The following ADCY2 variants were observed in gnomAD, a reference collection of about 807,000 sequenced individuals.
ADCY2 encodes the protein adenylate cyclase 2.
In ADCY2, 31 loss-of-function variants were observed where a neutral mutation model predicts 125.2. The ratio of observed to expected loss-of-function variants is 0.25; its 90% CI spans 0.19 to 0.33. The LOEUF (loss-of-function observed/expected upper bound fraction) is 0.33. ADCY2 is among the 10% of genes least tolerant of loss of function. The pLI is 1.00. For synonymous variants in ADCY2, 512 were observed against 548.4 expected (o/e 0.93, Z 0.93); for missense variants, 904 against 1,418.2 (o/e 0.64, Z 5.82).
chr5:7,524,164 T>G (rs1734366553), intron 3 of ADCY2, among the ~76,000 whole-genome samples: 1 of 152,142 alleles, frequency 6.6e-6, no homozygotes, highest in Admixed American at 6.5e-5. Context: ...TAACTGAAAA[T>G]TATGGATGGT....
chr5:7,746,615 G>A (rs1742633818), intron 15 of ADCY2, among the ~76,000 whole-genome samples: 2 of 152,150 alleles, frequency 1.3e-5, no homozygotes, highest in Admixed American at 6.5e-5. Context: ...CTTCCCAGTT[G>A]TGTAAGGTTT....
At chr5:7,545,755 C>T (rs187151500) in intron 3 of ADCY2, among the ~76,000 whole-genome samples, 43 of 152,258 alleles carry the variant, frequency 2.8e-4, no homozygotes, top group Middle Eastern at 3.4e-3. Context: ...GGGTTACACG[C>T]CAACCGATAA....
chr5:7,408,542 AT>A (rs931780294), intron 1 of ADCY2, among the ~76,000 whole-genome samples: 3 of 151,070 alleles, frequency 2.0e-5, no homozygotes, highest in Non-Finnish European at 4.4e-5. Context: ...TAATTTTTGC[AT>A]TTTTAGTAGA....
intron 13 of ADCY2, among the ~76,000 whole-genome samples, chr5:7,726,773 T>G (rs956222007): frequency 6.6e-6 from 1 of 152,138 alleles, no homozygotes; most frequent in African/African-American, 2.4e-5. Context: ...AAAAGTAAGA[T>G]AGTATATGAG....
chr5:7,824,472 G>A (rs564487932), intron 24 of ADCY2, among the ~76,000 whole-genome samples: 1 of 152,170 alleles, frequency 6.6e-6, no homozygotes, highest in African/African-American at 2.4e-5. Context: ...GCACCAAAAG[G>A]CCACTTTTGG....
chr5:7,659,394 AC>A (rs1739450439), intron 4 of ADCY2, among the ~76,000 whole-genome samples: 1 of 152,210 alleles, frequency 6.6e-6, no homozygotes, highest in Admixed American at 6.5e-5. Flanking sequence ...TCTTTATAAT[AC>A]CCAGATTGCT....
intron 15 of ADCY2, among the ~76,000 whole-genome samples, chr5:7,753,114 G>T (rs985541223): frequency 1.3e-5 from 2 of 152,034 alleles, no homozygotes; most frequent in Admixed American, 6.5e-5. Context: ...GGCCAGGATA[G>T]TCTCAAACTC....
intron 4 of ADCY2, among the ~76,000 whole-genome samples, chr5:7,654,522 G>A (rs1739253056): frequency 6.6e-6 from 1 of 152,198 alleles, no homozygotes; most frequent in Non-Finnish European, 1.5e-5. Context: ...AGGAGCAGGA[G>A]CAGACATTTC....
intron 1 of ADCY2, among the ~76,000 whole-genome samples, chr5:7,408,061 G>A (rs1244418092): frequency 2.6e-5 from 4 of 151,462 alleles, no homozygotes; most frequent in East Asian, 2.0e-4. Context: ...TAGTAGAGAC[G>A]GGGTTTCACC....
intron 2 of ADCY2, among the ~76,000 whole-genome samples, chr5:7,434,452 A>T (rs915468232): frequency 2.0e-5 from 3 of 152,206 alleles, no homozygotes; most frequent in African/African-American, 7.2e-5. Flanking sequence ...ACTGACTTGC[A>T]TTCCAAGCCA....
At chr5:7,564,817 A>C (rs547077161) in intron 3 of ADCY2, among the ~76,000 whole-genome samples, 1 of 152,278 alleles carries the variant, frequency 6.6e-6, no homozygotes, top group East Asian at 1.9e-4. Flanking sequence ...CCCCAAAGCA[A>C]GCGGAAGGTT....
At chr5:7,407,748 G>T (rs1026482008) in intron 1 of ADCY2, among the ~76,000 whole-genome samples, 27 of 152,224 alleles carry the variant, frequency 1.8e-4, no homozygotes, top group Admixed American at 1.7e-3. Context: ...GTGAGGATGT[G>T]CAGAAGCCGG....
chr5:7,452,606 A>G (rs183410348), intron 2 of ADCY2, among the ~76,000 whole-genome samples: 42 of 152,216 alleles, frequency 2.8e-4, no homozygotes, highest in Middle Eastern at 6.8e-3. Context: ...TTCCTTTTCC[A>G]TAGATACCCA....
chr5:7,426,018 G>A (rs1055037271), intron 2 of ADCY2, among the ~76,000 whole-genome samples: 3 of 152,120 alleles, frequency 2.0e-5, no homozygotes, highest in Non-Finnish European at 4.4e-5. Context: ...ACCCCCAGGC[G>A]AGAAACAAGC....
At chr5:7,493,907 C>T (rs951662836) in intron 2 of ADCY2, among the ~76,000 whole-genome samples, 4 of 152,204 alleles carry the variant, frequency 2.6e-5, no homozygotes, top group Admixed American at 2.6e-4. Context: ...GTACCCCTGG[C>T]TCAGGTCCAT....
intron 2 of ADCY2, among the ~76,000 whole-genome samples, chr5:7,435,408 C>G (rs1465586996): frequency 6.6e-6 from 1 of 152,140 alleles, no homozygotes; most frequent in African/African-American, 2.4e-5. Flanking sequence ...AGTGGGAGAA[C>G]CTATCCTTTT....
intron 3 of ADCY2, among the ~76,000 whole-genome samples, chr5:7,602,503 T>C (rs1307456922): frequency 6.6e-6 from 1 of 152,194 alleles, no homozygotes; most frequent in Non-Finnish European, 1.5e-5. Context: ...TTCAACATTT[T>C]GCCCAAGTTC....
At chr5:7,820,811 T>C in intron 24 of ADCY2, 122 bp downstream of exon 24, 8 of 1,273,324 alleles carry the variant, frequency 6.3e-6, no homozygotes, top group Non-Finnish European at 8.1e-6. Flanking sequence ...CCTTGAAATT[T>C]ACTTATCTTT....
intron 2 of ADCY2, among the ~76,000 whole-genome samples, chr5:7,502,065 G>A (rs1354770076): frequency 6.6e-6 from 1 of 152,112 alleles, no homozygotes; most frequent in Non-Finnish European, 1.5e-5. Flanking sequence ...CTAGGCTGGT[G>A]GATGAATTAA....
Sources: allele counts gnomAD v4.1 joint callset (sites outside exome capture counted in the v4.1 genomes callset), GRCh38; gene constraint gnomAD v4.1.1; transcripts MANE v1.5; gene names NCBI Gene and HGNC (gene_info 2026-07-23, HGNC 2026-07-21).